Variants in HERC3 observed in about 807,000 individuals in gnomAD.
HERC3 encodes HECT and RLD domain containing E3 ubiquitin protein ligase 3.
Under a neutral mutation model 129.9 loss-of-function variants are expected in HERC3, and 58 were observed. The ratio of observed to expected loss-of-function variants is 0.45; its 90% CI spans 0.36 to 0.56. The LOEUF (loss-of-function observed/expected upper bound fraction) is 0.56, where lower values mean the gene tolerates loss of function less well. Ranked by LOEUF, HERC3 falls within the 20% of genes least tolerant of loss-of-function variation. The pLI, the probability that HERC3 is intolerant of heterozygous loss-of-function variation, is 0.00. For synonymous variants in HERC3, 430 were observed against 451.0 expected (o/e 0.95, Z 0.59); for missense variants, 835 against 1,244.2 (o/e 0.67, Z 4.95).
Position 88,706,828 on chromosome 4 carries a change from C to G in HERC3, c.3021C>G (p.Ser1007Arg), listed in dbSNP as rs144613438. 1 of 1,614,098 alleles carries G rather than the reference C, an allele frequency of 6.2e-7. No homozygotes were observed. Among genetic ancestry groups the G allele is most frequent in the East Asian group, 2.2e-5 (1 of 44,876 alleles). ...SLQIVIQSTA[S>R]GEEYLPVAHT... ...AGATTGTCATCCAGTCCACAGCCAG[C>G]GGGGAGGAGTACTTGCCGGTGGCCC... Residue 1007 changes from serine (S) to arginine (R), a missense_variant, in exon 26 of 26, where the codon AGC (serine) becomes AGG (arginine). Ser to Arg is a moderately radical substitution (Grantham distance 110, BLOSUM62 -1). Transcript: ENST00000402738.
At chr4:88,615,017 A>G (rs1724746741) in intron 3 of HERC3, among the ~76,000 whole-genome samples, 1 of 152,214 alleles carries the variant, frequency 6.6e-6, no homozygotes, top group African/African-American at 2.4e-5. Context: ...GTCATCTTCT[A>G]TACCTACACA....
chr4:88,554,501 T>C, the HERC3 span, among the ~76,000 whole-genome samples: 1 of 152,216 alleles, frequency 6.6e-6, no homozygotes, highest in South Asian at 2.1e-4. Context: ...AGAGTTGGGC[T>C]TTAAACAATA....
chr4:88,576,160 C>T, the HERC3 span, among the ~76,000 whole-genome samples: 1 of 152,178 alleles, frequency 6.6e-6, no homozygotes, highest in Non-Finnish European at 1.5e-5. Flanking sequence ...CTCTTCATCT[C>T]TACAGCCATC....
rs1386134324 is a variant in HERC3 at position 88,669,908 on chromosome 4, A to C, written c.1682A>C (p.Asn561Thr). Reference sequence around the variant, plus strand: ...CCGAAATATTTCATGAAGCTGGTAAACCTCTATAAAGGTGCAGTCCTTTAT... The same window carrying C: ...CCGAAATATTTCATGAAGCTGGTAACCCTCTATAAAGGTGCAGTCCTTTAT... ...VCPKYFMKLV[N>T]LYKGAVLYLL... The change falls in exon 15 of 26, where the codon AAC becomes ACC. Residue 561 changes from asparagine to threonine, a missense_variant. By Grantham distance (65) the Asn-to-Thr change is moderately conservative. Coordinates refer to ENST00000402738, the MANE Select transcript of HERC3 (RefSeq NM_014606.3). The C allele has an allele frequency of 6.2e-7, 1 of 1,613,560 alleles. No homozygotes were observed.
chr4:88,552,511 C>T, the HERC3 span, among the ~76,000 whole-genome samples: 2 of 152,138 alleles, frequency 1.3e-5, no homozygotes, highest in Non-Finnish European at 2.9e-5. Context: ...TCTTGGCCTC[C>T]CAAAGTGCTG....
intron 23 of HERC3, among the ~76,000 whole-genome samples, chr4:88,698,439 C>T (rs2602123): frequency 1.3e-4 from 20 of 151,906 alleles, no homozygotes; most frequent in African/African-American, 4.8e-4. Flanking sequence ...CAGCAGGACT[C>T]CCCTGGAAGC....
upstream of HERC3, among the ~76,000 whole-genome samples, chr4:88,587,573 C>G (rs1203571308): frequency 6.6e-6 from 1 of 152,202 alleles, no homozygotes; most frequent in Non-Finnish European, 1.5e-5. Flanking sequence ...ATAAAGCTGT[C>G]TAATATTGTT....
At chr4:88,616,885 A>G (rs904526991) in intron 3 of HERC3, among the ~76,000 whole-genome samples, 1 of 152,012 alleles carries the variant, frequency 6.6e-6, no homozygotes, top group Non-Finnish European at 1.5e-5. Context: ...TTTTGTAGTG[A>G]TGCAGAGATT....
chr4:88,679,887 G>A (rs1732582175), intron 19 of HERC3, among the ~76,000 whole-genome samples: 1 of 152,156 alleles, frequency 6.6e-6, no homozygotes, highest in African/African-American at 2.4e-5. Context: ...GAAGCACCTA[G>A]TAAAAATTGT....
At chr4:88,617,484 A>T (rs1016876797) in intron 3 of HERC3, among the ~76,000 whole-genome samples, 1 of 152,212 alleles carries the variant, frequency 6.6e-6, no homozygotes, top group Non-Finnish European at 1.5e-5. Flanking sequence ...TACTATATGA[A>T]CTGTGCTGAT....
At chr4:88,614,309 T>C (rs180805224) in intron 3 of HERC3, among the ~76,000 whole-genome samples, 24 of 152,306 alleles carry the variant, frequency 1.6e-4, no homozygotes, top group African/African-American at 5.8e-4. Context: ...AGTTTGAGTC[T>C]TGCTTAGGTA....
chr4:88,595,132 A>G, intron 1 of HERC3, among the ~76,000 whole-genome samples: 1 of 151,220 alleles, frequency 6.6e-6, no homozygotes, highest in African/African-American at 2.4e-5. Flanking sequence ...AAGAAAAGGA[A>G]TGAAAGGAGA....
At chr4:88,640,967 G>T (rs184683022) in intron 3 of HERC3, among the ~76,000 whole-genome samples, 39 of 152,248 alleles carry the variant, frequency 2.6e-4, no homozygotes, top group Non-Finnish European at 5.9e-5. Context: ...AGATATGATT[G>T]ATATTTATCG....
chr4:88,643,395 A>G (rs1728344045), intron 3 of HERC3, among the ~76,000 whole-genome samples: 1 of 152,210 alleles, frequency 6.6e-6, no homozygotes, highest in South Asian at 2.1e-4. Flanking sequence ...AGCCAATTAT[A>G]ATGTTTATAT....
rs990115203 is a variant in HERC3 at position 88,649,603 on chromosome 4, G to A, written c.227-237G>A. ...TAGGTTCAGGGAACATCTGGGATGT[G>A]TGTGCTACTATAGTTATAGTATATA... On this transcript the variant is annotated intron_variant, in intron 3 of 25. Transcript: ENST00000402738. Among the ~76,000 whole-genome samples, 3 of 152,154 alleles carry A rather than the reference G, an allele frequency of 2.0e-5. No homozygotes were observed. In the East Asian group the frequency reaches 5.8e-4, roughly 29 times the overall value.
chr4:88,676,439 A>C lies in HERC3; in HGVS notation c.2025+16A>C. On this transcript the variant is annotated intron_variant, in intron 18 of 25. Coordinates refer to ENST00000402738, the MANE Select transcript of HERC3 (RefSeq NM_014606.3). ...ACAGATGCAGGTATCATATTTTAGA[A>C]ATTATTTCTTCTTTTTACTGTGTTT... 1 of 1,543,828 alleles carries C rather than the reference A, an allele frequency of 6.5e-7. No individual in the cohort carries two copies. Among genetic ancestry groups the C allele is most frequent in the Non-Finnish European group, 8.9e-7 (1 of 1,117,788 alleles).
intron 3 of HERC3, among the ~76,000 whole-genome samples, chr4:88,619,163 C>G (rs974267746): frequency 6.6e-6 from 1 of 152,232 alleles, no homozygotes; most frequent in Non-Finnish European, 1.5e-5. Flanking sequence ...GGAGCCATGT[C>G]TTGAATTCTT....
At chr4:88,664,027 C>A in intron 11 of HERC3, 126 bp from the exon 12 acceptor site, 2 of 675,364 alleles carry the variant, frequency 3.0e-6, no homozygotes, top group Non-Finnish European at 4.8e-6. Context: ...TTTTCCAAAG[C>A]TTCAGCTGAC....
chr4:88,663,082 A>G (rs1461681553), intron 11 of HERC3, among the ~76,000 whole-genome samples: 1 of 151,640 alleles, frequency 6.6e-6, no homozygotes, highest in East Asian at 1.9e-4. Context: ...ATTTTTACAC[A>G]TTTTCATTGG....
Sources: gnomAD v4.1 joint callset for allele counts (sites outside exome capture counted in the v4.1 genomes callset) on GRCh38, gnomAD v4.1.1 for gene constraint, MANE v1.5 for transcripts, NCBI Gene and HGNC (gene_info 2026-07-23, HGNC 2026-07-21) for gene names.